The following KLHDC10 variants were observed in gnomAD, a reference collection of about 807,000 sequenced individuals.
KLHDC10 encodes the protein kelch domain-containing protein 10.
In KLHDC10, 24 loss-of-function variants were observed where a neutral mutation model predicts 56.1. The observed-to-expected ratio is 0.43, with a 90% CI of 0.31 to 0.60. The LOEUF (loss-of-function observed/expected upper bound fraction) is 0.60. Ranked by LOEUF, KLHDC10 falls within the 20% of genes least tolerant of loss-of-function variation. The pLI, the probability that KLHDC10 is intolerant of heterozygous loss-of-function variation, is 0.11. For missense variants in KLHDC10, 349 were observed against 567.0 expected (o/e 0.62, Z 3.91); for synonymous variants, 188 against 207.1 (o/e 0.91, Z 0.79).
intron 8 of KLHDC10, among the ~76,000 whole-genome samples, chr7:130,129,145 A>G (rs555597734): frequency 6.6e-6 from 1 of 151,612 alleles, no homozygotes; most frequent in South Asian, 2.1e-4. Flanking sequence ...CCCCTTGCTC[A>G]TTTACTTTCT....
intron 1 of KLHDC10, among the ~76,000 whole-genome samples, chr7:130,095,839 G>A (rs934043943): frequency 6.6e-6 from 1 of 152,160 alleles, no homozygotes; most frequent in African/African-American, 2.4e-5. Flanking sequence ...TTGAATCCTG[G>A]CTCTGGCATT....
intron 1 of KLHDC10, among the ~76,000 whole-genome samples, chr7:130,084,368 C>T (rs987493644): frequency 6.6e-6 from 1 of 152,208 alleles, no homozygotes; most frequent in African/African-American, 2.4e-5. Flanking sequence ...ATTGTGGTGG[C>T]TTGGACTAGG....
At chr7:130,073,160 G>A (rs1433048425) in intron 1 of KLHDC10, among the ~76,000 whole-genome samples, 1 of 152,016 alleles carries the variant, frequency 6.6e-6, no homozygotes, top group Non-Finnish European at 1.5e-5. Flanking sequence ...CTTGAGCCTA[G>A]GAGTTCAAGG....
At chr7:130,122,355 C>T (rs1447014031) in intron 5 of KLHDC10, among the ~76,000 whole-genome samples, 153 bp downstream of exon 5, 1 of 145,420 alleles carries the variant, frequency 6.9e-6, no homozygotes, top group African/African-American at 2.4e-5. Flanking sequence ...AAAGAAAGGT[C>T]TATAGTAAAA....
chr7:130,101,655 GC>G (rs1475629461), intron 2 of KLHDC10, among the ~76,000 whole-genome samples: 3 of 152,140 alleles, frequency 2.0e-5, no homozygotes, highest in Non-Finnish European at 4.4e-5. Context: ...GATTGGGCAG[GC>G]ATTGCGAGCA....
intron 2 of KLHDC10, among the ~76,000 whole-genome samples, chr7:130,111,356 A>G (rs577418191): frequency 6.6e-6 from 1 of 152,334 alleles, no homozygotes; most frequent in East Asian, 1.9e-4. Flanking sequence ...TCTGTATGTT[A>G]ATAGATGCCG....
At chr7:130,077,647 C>T (rs1205058984) in intron 1 of KLHDC10, among the ~76,000 whole-genome samples, 1 of 149,976 alleles carries the variant, frequency 6.7e-6, no homozygotes, top group Non-Finnish European at 1.5e-5. Flanking sequence ...GCTCCGCCTC[C>T]CGGGTTCACG....
intron 1 of KLHDC10, among the ~76,000 whole-genome samples, chr7:130,073,855 C>T (rs1024668207): frequency 2.0e-5 from 3 of 152,078 alleles, no homozygotes; most frequent in African/African-American, 7.2e-5. Flanking sequence ...TTACCAAGTC[C>T]GTTTCTTTTA....
In KLHDC10 at chr7:130,116,243, C is replaced by T. The variant is rs572285231; in HGVS notation, c.254-202C>T. Among the ~76,000 whole-genome samples, 2 of 152,212 alleles carry T rather than the reference C, an allele frequency of 1.3e-5. No homozygotes were observed. The highest frequency in any genetic ancestry group is 2.1e-4 in the South Asian group (1 of 4,824). The stretch of plus-strand genomic sequence containing the variant: ...TAAAAAATAGAAGTAGAGACTAGCT[C>T]CTTAAAATCTTAAGTAGTATATGTG... On this transcript the variant is annotated intron_variant, in intron 2 of 9. Transcript: ENST00000335420. This position sits in a 1 kb window ranked among gnomAD's most constrained non-coding sequence, Gnocchi z 4.8.
rs1796418560 is a variant in KLHDC10 at position 130,132,764 on chromosome 7, T to C, written c.*2018T>C. On this transcript the variant is annotated 3_prime_UTR_variant, in exon 10 of 10. Coordinates refer to ENST00000335420, the MANE Select transcript of KLHDC10 (RefSeq NM_014997.4). ...TTTGCTGCATGACTTCAGCCTGGCCTCTGGATATTTGGTGGAAATATATTC... is the reference window on the plus strand; with the variant it reads ...TTTGCTGCATGACTTCAGCCTGGCCCCTGGATATTTGGTGGAAATATATTC... 1 of 152,250 alleles carries C rather than the reference T, an allele frequency of 6.6e-6. No individual in the cohort carries two copies. The highest frequency in any genetic ancestry group is 1.5e-5 in the Non-Finnish European group (1 of 68,050). The allele number at this position is 152,250 out of a possible 1,614,324, so 9.4% of individuals were successfully genotyped here.
In KLHDC10 at chr7:130,096,969, C is replaced by G; in HGVS notation, c.215C>G (p.Ser72Cys). 6.2e-7 allele frequency: 1 copy of G among 1,610,002 alleles called. No homozygotes were observed. The highest frequency in any genetic ancestry group is 8.5e-7 in the Non-Finnish European group (1 of 1,177,144). The change falls in exon 2 of 10, where the codon TCC becomes TGC. Residue 72 changes from serine (S) to cysteine (C), a missense_variant. This residue lies in a region of KLHDC10 where 245 missense variants were observed against 470.1 expected (regional missense o/e 0.52). Transcript: ENST00000335420. Reference protein sequence around the residue: ...WDPVRRRFIQSCPIIRIPNRF... With the variant: ...WDPVRRRFIQCCPIIRIPNRF... ...CCAGTTAGGAGGCGCTTCATTCAGTCCTGTCCCATCATAAGGATCCCTAAC... is the reference window on the plus strand; with the variant it reads ...CCAGTTAGGAGGCGCTTCATTCAGTGCTGTCCCATCATAAGGATCCCTAAC...
At chr7:130,104,491 A>C (rs1795981752) in intron 2 of KLHDC10, among the ~76,000 whole-genome samples, 2 of 152,202 alleles carry the variant, frequency 1.3e-5, no homozygotes, top group South Asian at 4.1e-4. Flanking sequence ...TCTACAAATC[A>C]ATTTCAAAAA....
intron 5 of KLHDC10, among the ~76,000 whole-genome samples, chr7:130,123,238 G>A (rs1563106349): frequency 6.6e-6 from 1 of 152,144 alleles, no homozygotes; most frequent in South Asian, 2.1e-4. Flanking sequence ...GGAGGCTGAG[G>A]CAGGCGGATC....
chr7:130,107,519 C>A (rs1460000895), intron 2 of KLHDC10, among the ~76,000 whole-genome samples: 1 of 151,656 alleles, frequency 6.6e-6, no homozygotes, highest in East Asian at 1.9e-4. Context: ...AATAAAAAAA[C>A]AATAAAACAA....
chr7:130,070,938 G>A (rs1795400269), intron 1 of KLHDC10, 129 bp downstream of exon 1: 2 of 570,966 alleles, frequency 3.5e-6, no homozygotes, highest in Non-Finnish European at 5.3e-6. Context: ...AGGGACTGGG[G>A]ATCAGAGAAA....
intron 1 of KLHDC10, among the ~76,000 whole-genome samples, chr7:130,081,001 T>TTC (rs1795596935): frequency 7.0e-6 from 1 of 143,008 alleles, no homozygotes; most frequent in Non-Finnish European, 1.5e-5. Context: ...TCAGTTTTCT[T>TTC]TTTTTTTTTT....
At chr7:130,084,489 C>G (rs1049791795) in intron 1 of KLHDC10, among the ~76,000 whole-genome samples, 11 of 152,044 alleles carry the variant, frequency 7.2e-5, no homozygotes, top group African/African-American at 2.4e-4. Context: ...TGATTGCTAA[C>G]AAGGCTAGAT....
Position 130,097,003 on chromosome 7 carries a change from G to C in KLHDC10, c.249G>C (p.Leu83Phe), listed in dbSNP as rs574854977. ...TCATAAGGATCCCTAACAGGTTTTTGAGAGGTGGGTGATAATTAGCAAGAG... is the reference window on the plus strand; with the variant it reads ...TCATAAGGATCCCTAACAGGTTTTTCAGAGGTGGGTGATAATTAGCAAGAG... ...CPIIRIPNRF[L>F]RGHRPPPARS... The change falls in exon 2 of 10, where the codon TTG becomes TTC. Residue 83 changes from leucine to phenylalanine, a missense_variant. This residue lies in a region of KLHDC10 where 245 missense variants were observed against 470.1 expected (regional missense o/e 0.52). Coordinates refer to ENST00000335420, the MANE Select transcript of KLHDC10 (RefSeq NM_014997.4). 6.2e-7 allele frequency: 1 copy of C among 1,600,032 alleles called. No homozygotes were observed. Among genetic ancestry groups the C allele is most frequent in the East Asian group, 2.2e-5 (1 of 44,782 alleles).
intron 2 of KLHDC10, among the ~76,000 whole-genome samples, chr7:130,109,173 C>CT (rs1796065242): frequency 6.6e-6 from 1 of 151,548 alleles, no homozygotes. Context: ...TCCCACAGTG[C>CT]TGGGATTACA....
Sources: allele counts gnomAD v4.1 joint callset (sites outside exome capture counted in the v4.1 genomes callset), GRCh38; gene constraint gnomAD v4.1.1; regional missense constraint gnomAD v4.1.1; non-coding constraint Gnocchi (gnomAD v3.1); transcripts MANE v1.5; gene names NCBI Gene and HGNC (gene_info 2026-07-23, HGNC 2026-07-21).